Variants in ZRANB3 observed in about 807,000 individuals in gnomAD.
ZRANB3 encodes zinc finger RANBP2-type containing 3.
A neutral mutation model predicts 133.8 loss-of-function variants in ZRANB3; 125 were observed. The observed-to-expected ratio is 0.93, with a 90% CI of 0.81 to 1.08. The LOEUF is 1.08. Ranked by LOEUF, ZRANB3 falls within the 50% of genes least tolerant of loss-of-function variation. ZRANB3 has a pLI of 0.00. For missense variants in ZRANB3, 1,229 were observed against 1,275.5 expected (o/e 0.96, Z 0.56); for synonymous variants, 387 against 432.7 (o/e 0.89, Z 1.31).
intron 8 of ZRANB3, among the ~76,000 whole-genome samples, chr2:135,276,604 T>C (rs1366389174): frequency 6.6e-6 from 1 of 152,198 alleles, no homozygotes; most frequent in Non-Finnish European, 1.5e-5. Context: ...AAACTGGTTA[T>C]GTAGAAATTG....
intron 12 of ZRANB3, among the ~76,000 whole-genome samples, chr2:135,232,306 G>A (rs1463682475): frequency 1.3e-5 from 2 of 152,210 alleles, no homozygotes; most frequent in Non-Finnish European, 2.9e-5. Context: ...CTCGAACTGG[G>A]TGGAGCCCAC....
At chr2:135,343,985 A>G (rs1479369982) in intron 6 of ZRANB3, among the ~76,000 whole-genome samples, 1 of 139,684 alleles carries the variant, frequency 7.2e-6, no homozygotes, top group Non-Finnish European at 1.5e-5. Context: ...ATAAAAATGC[A>G]CATGCCCTTT....
intron 2 of ZRANB3, among the ~76,000 whole-genome samples, chr2:135,443,355 G>A (rs1689871788): frequency 6.8e-6 from 1 of 146,178 alleles, no homozygotes; most frequent in Non-Finnish European, 1.5e-5. Context: ...AGTGTCGGGG[G>A]GGACACATCA....
intron 2 of ZRANB3, among the ~76,000 whole-genome samples, chr2:135,446,039 T>C (rs1295836281): frequency 6.6e-6 from 1 of 151,422 alleles, no homozygotes; most frequent in Non-Finnish European, 1.5e-5. Flanking sequence ...AGCCTGTCTC[T>C]ACTAAAAATA....
intron 6 of ZRANB3, among the ~76,000 whole-genome samples, chr2:135,340,144 C>T (rs1404058129): frequency 6.9e-6 from 1 of 145,672 alleles, no homozygotes; most frequent in African/African-American, 2.6e-5. Context: ...TTGCTCTTGT[C>T]GCCCAGGCTG....
At chr2:135,392,885 G>GT (rs111582673) in intron 2 of ZRANB3, among the ~76,000 whole-genome samples, 15,726 of 147,892 alleles carry the variant, frequency 0.11, 1,073 homozygotes, top group South Asian at 0.32. Context: ...ATGTTTTTTG[G>GT]TTTTTTTTTT....
chr2:135,306,284 ATTTTT>A (rs146132259), intron 8 of ZRANB3, among the ~76,000 whole-genome samples: 1 of 123,962 alleles, frequency 8.1e-6, no homozygotes, highest in South Asian at 2.6e-4. Flanking sequence ...CATCTGACTG[ATTTTT>A]TTTTTTTTTT....
chr2:135,224,524 A>G lies in ZRANB3; in HGVS notation c.2159-7T>C, dbSNP rs763192053. The G allele has an allele frequency of 3.7e-6, 6 of 1,603,908 alleles. No individual in the cohort carries two copies. The highest frequency in any genetic ancestry group is 5.1e-6 in the Non-Finnish European group (6 of 1,173,430). On this transcript the variant is annotated splice_region_variant and splice_polypyrimidine_tract_variant and intron_variant, in intron 14 of 20. Coordinates refer to ENST00000264159, the MANE Select transcript of ZRANB3 (RefSeq NM_032143.4). ...TCTGAACTCTTCCACTGTTCTATTA[A>G]AGAAGACAAAAGAGAACCTGAAGGC...
chr2:135,419,392 ATG>A (rs576960303), intron 2 of ZRANB3, among the ~76,000 whole-genome samples: 9 of 149,882 alleles, frequency 6.0e-5, no homozygotes, highest in South Asian at 4.2e-4. Flanking sequence ...GTGTGTGTTT[ATG>A]TGTGTGTGTG....
chr2:135,255,908 T>A (rs1679629226), intron 12 of ZRANB3, among the ~76,000 whole-genome samples: 1 of 145,218 alleles, frequency 6.9e-6, no homozygotes, highest in East Asian at 1.9e-4. Flanking sequence ...GTCAACTCAT[T>A]AAAATTTTTT....
intron 2 of ZRANB3, among the ~76,000 whole-genome samples, chr2:135,435,954 G>A (rs1689514792): frequency 6.6e-6 from 1 of 152,000 alleles, no homozygotes; most frequent in Non-Finnish European, 1.5e-5. Flanking sequence ...TTACTCTGTT[G>A]ACAGTTTTTT....
intron 3 of ZRANB3, among the ~76,000 whole-genome samples, chr2:135,367,720 T>C (rs1686001502): frequency 6.6e-6 from 1 of 152,184 alleles, no homozygotes; most frequent in African/African-American, 2.4e-5. Flanking sequence ...TAGATAACTT[T>C]TCCCTATAAT....
intron 6 of ZRANB3, among the ~76,000 whole-genome samples, chr2:135,322,764 C>G (rs568773184): frequency 6.6e-6 from 1 of 152,228 alleles, no homozygotes. Context: ...CGCCTGTAAT[C>G]TTAGCACTTT....
intron 2 of ZRANB3, among the ~76,000 whole-genome samples, chr2:135,451,773 T>C (rs1028864818): frequency 1.3e-5 from 2 of 152,162 alleles, no homozygotes; most frequent in African/African-American, 4.8e-5. Context: ...AATTACAGCA[T>C]TCCATATGTA....
chr2:135,437,109 G>A (rs1377090852), intron 2 of ZRANB3, among the ~76,000 whole-genome samples: 3 of 152,122 alleles, frequency 2.0e-5, no homozygotes, highest in South Asian at 2.1e-4. Context: ...ACAGGTGCCC[G>A]CCACCATGCC....
At position 135,491,817 on chromosome 2, in the gene ZRANB3, A is replaced by C. The variant is rs114456174; in HGVS notation, c.161+12512T>G. ...GGTGTGAGCCACCACGCCCAGCCAC[A>C]TGAGTATTTTTATAAATGAAAAGTG... is the stretch of plus-strand genomic sequence containing the variant. On this transcript the variant is annotated intron_variant, in intron 2 of 20. Coordinates refer to ENST00000264159, the MANE Select transcript of ZRANB3 (RefSeq NM_032143.4). 7.0e-3 allele frequency among the ~76,000 whole-genome samples: 1,064 copies of C among 152,226 alleles called. 11 individuals are homozygous for C. The highest frequency in any genetic ancestry group is 0.024 in the African/African-American group (998 of 41,534).
At chr2:135,339,259 A>G (rs1156808612) in intron 6 of ZRANB3, among the ~76,000 whole-genome samples, 1 of 152,130 alleles carries the variant, frequency 6.6e-6, no homozygotes. Flanking sequence ...AAAAATACAA[A>G]AATTAGCTGG....
rs368837714 is a variant in ZRANB3, at chr2:135,350,203, G to C, written c.372C>G (p.Thr124=). The C allele has an allele frequency of 2.5e-5, 39 of 1,589,334 alleles. No homozygotes were observed. The African/African-American group carries it at 5.0e-4, about 20-fold the overall frequency. Residue 124 remains threonine, a synonymous_variant, in exon 5 of 21, where the codon ACC becomes ACG. Transcript: ENST00000264159. The part of the protein sequence containing the change: ...QNKTDVRRMS[T]SKVTVLGYGL... ...CATAACCCAGAACTGTCACTTTACT[G>C]GTCGACATTCTCCTAGAAAAGAAAA...
Position 135,417,134 on chromosome 2 carries a change from T to C in ZRANB3, c.162-26314A>G, listed in dbSNP as rs186781473. Among the ~76,000 whole-genome samples, 531 of 152,096 alleles carry C rather than the reference T, an allele frequency of 3.5e-3. 3 individuals carry two copies. Among genetic ancestry groups the C allele is most frequent in the Non-Finnish European group, 2.5e-3 (168 of 67,986 alleles). On this transcript the variant is annotated intron_variant, in intron 2 of 20. Coordinates refer to ENST00000264159, the MANE Select transcript of ZRANB3 (RefSeq NM_032143.4). The stretch of plus-strand genomic sequence containing the variant: ...TGGGATCTAATTAAACTAAAGAGCT[T>C]TTGCACAGCAAAAGAAACTACCATC...
Sources: allele counts gnomAD v4.1 joint callset (sites outside exome capture counted in the v4.1 genomes callset), GRCh38; gene constraint gnomAD v4.1.1; transcripts MANE v1.5; gene names NCBI Gene and HGNC (gene_info 2026-07-23, HGNC 2026-07-21).